IQGAP2: variants seen among roughly 807,000 people sequenced by gnomAD.
IQGAP2 encodes the protein ras GTPase-activating-like protein IQGAP2.
In IQGAP2, 173 loss-of-function variants were observed where a neutral mutation model predicts 201.3. The ratio of observed to expected loss-of-function variants is 0.86; its 90% CI spans 0.76 to 0.98. IQGAP2 has a LOEUF of 0.98. Among genes scored for constraint, IQGAP2 ranks in the 50% least tolerant of loss-of-function variants. The pLI is 0.00. For missense variants in IQGAP2, 1,687 were observed against 1,864.8 expected (o/e 0.90, Z 1.76); for synonymous variants, 675 against 673.9 (o/e 1.00, Z -0.03).
At chr5:76,567,703 T>C (rs565273562) in intron 3 of IQGAP2, among the ~76,000 whole-genome samples, 20 of 152,356 alleles carry the variant, frequency 1.3e-4, no homozygotes, top group African/African-American at 4.3e-4. Context: ...GTGCCATCAG[T>C]TTCCTCATCT....
At chr5:76,693,206 C>A in intron 30 of IQGAP2, 149 bp from the exon 31 acceptor site, 2 of 569,978 alleles carry the variant, frequency 3.5e-6, no homozygotes, top group Non-Finnish European at 6.3e-6. Context: ...TATAGCAGAC[C>A]TGGTGAATAT....
chr5:76,414,896 C>T (rs995683753), intron 1 of IQGAP2, among the ~76,000 whole-genome samples: 9 of 152,184 alleles, frequency 5.9e-5, no homozygotes, highest in Middle Eastern at 3.2e-3. Flanking sequence ...ATTAGGGGAA[C>T]TCTGAGAAAG....
intron 2 of IQGAP2, among the ~76,000 whole-genome samples, chr5:76,544,778 TC>T (rs777414476): frequency 1.3e-5 from 2 of 152,170 alleles, no homozygotes; most frequent in African/African-American, 2.4e-5. Context: ...CCCACCCAGT[TC>T]CCCTTCCCAA....
intron 2 of IQGAP2, among the ~76,000 whole-genome samples, chr5:76,560,131 TG>T (rs1744259823): frequency 6.6e-6 from 1 of 152,192 alleles, no homozygotes; most frequent in Non-Finnish European, 1.5e-5. Context: ...TTGATGTTTT[TG>T]TGACCAGAAA....
At chr5:76,448,958 T>C (rs939191338) in intron 1 of IQGAP2, among the ~76,000 whole-genome samples, 2 of 152,210 alleles carry the variant, frequency 1.3e-5, no homozygotes, top group Non-Finnish European at 2.9e-5. Context: ...CTGCCCAGCT[T>C]CTTGATTTTG....
intron 1 of IQGAP2, among the ~76,000 whole-genome samples, chr5:76,437,931 A>G (rs1298571257): frequency 6.9e-6 from 1 of 145,346 alleles, no homozygotes; most frequent in Non-Finnish European, 1.5e-5. Flanking sequence ...TATCTTTTTG[A>G]TGTGCCGTTG....
chr5:76,707,178 A>T (rs372565918), intron 35 of IQGAP2, 22 bp from the exon 36 acceptor site: 12 of 1,019,470 alleles, frequency 1.2e-5, no homozygotes, highest in Non-Finnish European at 1.5e-5. Flanking sequence ...TTGAGATTTA[A>T]TGATGCTTTT....
Position 76,566,644 on chromosome 5 carries a change from A to G in IQGAP2, c.304-3936A>G, listed in dbSNP as rs555025449. Among the ~76,000 whole-genome samples, 3 of 152,268 alleles carry G rather than the reference A, an allele frequency of 2.0e-5. No individual in the cohort carries two copies. The South Asian group carries it at 6.2e-4, about 32-fold the overall frequency. On this transcript the variant is annotated intron_variant, in intron 3 of 35. Transcript: ENST00000274364. ...AACATCAGTTGCTGCTATACAGAGA[A>G]CAAACCAGAAGGAGGATAAGAGGGG...
chr5:76,568,414 A>G (rs1013646579), intron 3 of IQGAP2, among the ~76,000 whole-genome samples: 1 of 152,198 alleles, frequency 6.6e-6, no homozygotes, highest in Admixed American at 6.5e-5. Context: ...CCTTCCATAT[A>G]TTCTCAGATT....
Position 76,488,934 on chromosome 5 carries a change from G to A in IQGAP2, c.146+27265G>A, listed in dbSNP as rs559403461. ...GTTGTCCTATCCACTGTTAAGTCCA[G>A]CCCCCACAGCAGTCCTGTGATGTAG... On this transcript the variant is annotated intron_variant, in intron 2 of 35. Coordinates refer to ENST00000274364, the MANE Select transcript of IQGAP2 (RefSeq NM_006633.5). 5.9e-5 allele frequency among the ~76,000 whole-genome samples: 9 copies of A among 152,302 alleles called. No homozygotes were observed. The East Asian group carries it at 1.7e-3, about 29-fold the overall frequency.
intron 1 of IQGAP2, among the ~76,000 whole-genome samples, chr5:76,456,449 C>T (rs192360312): frequency 5.5e-4 from 84 of 152,108 alleles, no homozygotes; most frequent in African/African-American, 1.7e-3. Flanking sequence ...AGGAATGTAC[C>T]ACGGGTCAAA....
intron 32 of IQGAP2, 103 bp downstream of exon 32, chr5:76,695,769 G>A: frequency 3.6e-6 from 3 of 825,186 alleles, no homozygotes; most frequent in Non-Finnish European, 5.9e-6. Context: ...ATTCATGGTT[G>A]CATATGCTGT....
intron 12 of IQGAP2, chr5:76,608,949 A>C (rs1748033127): frequency 2.9e-6 from 2 of 681,772 alleles, no homozygotes; most frequent in Non-Finnish European, 4.8e-6. Flanking sequence ...TGATGTAAAG[A>C]AGTGGACCGT....
chr5:76,597,640 C>G (rs772077967), intron 10 of IQGAP2, 38 bp downstream of exon 10: 4 of 1,607,328 alleles, frequency 2.5e-6, no homozygotes. Flanking sequence ...GGACGGTAAC[C>G]CTGCGTGCCA....
At chr5:76,539,575 C>A (rs1392602908) in intron 2 of IQGAP2, among the ~76,000 whole-genome samples, 1 of 152,130 alleles carries the variant, frequency 6.6e-6, no homozygotes, top group African/African-American at 2.4e-5. Flanking sequence ...TTGGAAGTCC[C>A]CCAACCCCTA....
chr5:76,621,711 T>G (rs1322147084), intron 13 of IQGAP2, among the ~76,000 whole-genome samples: 1 of 152,232 alleles, frequency 6.6e-6, no homozygotes, highest in East Asian at 1.9e-4. Flanking sequence ...ATGCCAGATC[T>G]GGGTCCACTT....
intron 1 of IQGAP2, among the ~76,000 whole-genome samples, chr5:76,439,441 C>T (rs1752905039): frequency 6.6e-6 from 1 of 152,144 alleles, no homozygotes; most frequent in African/African-American, 2.4e-5. Context: ...CAGTGGAGTA[C>T]TGAAGTCCCG....
intron 1 of IQGAP2, among the ~76,000 whole-genome samples, chr5:76,419,666 T>G (rs917764570): frequency 8.9e-6 from 1 of 112,086 alleles, no homozygotes. Context: ...TCTTTTTCTT[T>G]TCTTTTCTTT....
chr5:76,510,600 C>T (rs35259902), intron 2 of IQGAP2: 74,929 of 499,108 alleles, frequency 0.15, 6,650 homozygotes, highest in African/African-American at 0.28. Context: ...AGTGTGCCAT[C>T]GATGTCCTCT....
Sources: gnomAD v4.1 joint callset for allele counts (sites outside exome capture counted in the v4.1 genomes callset) on GRCh38, gnomAD v4.1.1 for gene constraint, MANE v1.5 for transcripts, NCBI Gene and HGNC (gene_info 2026-07-23, HGNC 2026-07-21) for gene names.